AFF2: variants seen among roughly 807,000 people sequenced by gnomAD.
The protein encoded by AFF2 is AF4/FMR2 family member 2.
Under a neutral mutation model 76.9 loss-of-function variants are expected in AFF2, and 14 were observed. That is an observed-to-expected ratio of 0.18 (90% CI 0.12 to 0.28). The LOEUF is 0.28. Among genes scored for constraint, AFF2 ranks in the 10% least tolerant of loss-of-function variants. AFF2 has a pLI of 1.00. For missense variants in AFF2, 868 were observed against 1,001.1 expected, an observed-to-expected ratio of 0.87 and a Z score of 1.79; for synonymous variants, 398 against 366.7, an observed-to-expected ratio of 1.09 and a Z score of -0.98.
chrX:148,914,850 G>A (rs782365392), intron 9 of AFF2, among the ~76,000 whole-genome samples: 6 of 112,572 alleles, frequency 5.3e-5, no homozygotes, highest in African/African-American at 1.3e-4. Flanking sequence ...ATTTCTTTCT[G>A]AATGTATTTT....
chrX:148,650,097 C>A (rs1261731609), intron 1 of AFF2, among the ~76,000 whole-genome samples: 1 of 111,266 alleles, frequency 9.0e-6, no homozygotes, highest in East Asian at 2.8e-4. Context: ...CCCCCACCCC[C>A]ATAACACCCA....
intron 7 of AFF2, among the ~76,000 whole-genome samples, chrX:148,849,525 C>G (rs992668025): frequency 9.1e-6 from 1 of 109,386 alleles, no homozygotes. Context: ...GGCTAAAACA[C>G]TGGTAACTCA....
intron 4 of AFF2, among the ~76,000 whole-genome samples, chrX:148,818,559 A>C (rs2070292864): frequency 2.7e-5 from 3 of 112,146 alleles, no homozygotes; most frequent in Admixed American, 1.9e-4. Flanking sequence ...TTAAAGATTA[A>C]AAACAAAAAC....
intron 1 of AFF2, among the ~76,000 whole-genome samples, chrX:148,589,448 C>T (rs1325193185): frequency 8.9e-6 from 1 of 112,346 alleles, no homozygotes; most frequent in Admixed American, 9.4e-5. Context: ...ACTGCAGTGC[C>T]TGCCTGGAAA....
chrX:148,508,212 A>G (rs782609596), intron 1 of AFF2, among the ~76,000 whole-genome samples: 1 of 112,252 alleles, frequency 8.9e-6, no homozygotes, highest in African/African-American at 3.2e-5. Flanking sequence ...TCCAAATAAT[A>G]GTTCTCTGCA....
chrX:148,581,454 G>A (rs1432765958), intron 1 of AFF2, among the ~76,000 whole-genome samples: 2 of 75,085 alleles, frequency 2.7e-5, no homozygotes, highest in Admixed American at 2.8e-4. Context: ...ATACGTATAC[G>A]TCTACGTGTA....
intron 3 of AFF2, among the ~76,000 whole-genome samples, chrX:148,744,534 C>T (rs915070326): frequency 2.7e-5 from 3 of 111,154 alleles, no homozygotes; most frequent in Non-Finnish European, 5.7e-5. Context: ...CCTTGTTTTC[C>T]TCCTTGTAAT....
chrX:148,525,128 A>T (rs1353686109), intron 1 of AFF2, among the ~76,000 whole-genome samples: 1 of 112,101 alleles, frequency 8.9e-6, no homozygotes. Flanking sequence ...TATAAAAGAA[A>T]GTACATTCAA....
chrX:148,720,375 T>C (rs1017777428), intron 3 of AFF2, among the ~76,000 whole-genome samples: 3 of 109,603 alleles, frequency 2.7e-5, no homozygotes, highest in Admixed American at 9.9e-5. Flanking sequence ...CCTCCCCCTT[T>C]CTTCCTTCCT....
At chrX:148,831,342 A>T (rs2070451797) in intron 4 of AFF2, among the ~76,000 whole-genome samples, 1 of 112,622 alleles carries the variant, frequency 8.9e-6, no homozygotes, top group Non-Finnish European at 1.9e-5. Flanking sequence ...TGGGGAAGTG[A>T]TAAATGTCCA....
At chrX:148,604,496 A>G (rs1164025380) in intron 1 of AFF2, among the ~76,000 whole-genome samples, 5 of 112,498 alleles carry the variant, frequency 4.4e-5, no homozygotes, top group Non-Finnish European at 7.5e-5. Flanking sequence ...GGGCTTCAGC[A>G]GTCCTCCTAC....
chrX:148,970,267 G>A (rs1280580038), intron 15 of AFF2, among the ~76,000 whole-genome samples: 4 of 112,071 alleles, frequency 3.6e-5, no homozygotes, highest in Non-Finnish European at 7.5e-5. Context: ...AAAAGCTGGA[G>A]AACATTTATT....
At chrX:148,953,047 G>A (rs1001533076) in intron 9 of AFF2, among the ~76,000 whole-genome samples, 1 of 111,220 alleles carries the variant, frequency 9.0e-6, no homozygotes, top group African/African-American at 3.3e-5. Context: ...GTGAGGCAGA[G>A]ACCAGCTCCA....
intron 1 of AFF2, among the ~76,000 whole-genome samples, chrX:148,537,731 G>T (rs782449136): frequency 7.2e-5 from 8 of 110,583 alleles, no homozygotes; most frequent in African/African-American, 2.3e-4. Flanking sequence ...TTAGCTCAGG[G>T]CTTCCCATAG....
chrX:148,615,056 C>G (rs1345458923), intron 1 of AFF2, among the ~76,000 whole-genome samples: 8 of 110,375 alleles, frequency 7.2e-5, no homozygotes, highest in Non-Finnish European at 1.3e-4. Context: ...AATTTTTTGC[C>G]TGGCTCCAAA....
At chrX:148,745,584 GA>G (rs2055411333) in intron 3 of AFF2, among the ~76,000 whole-genome samples, 1 of 111,485 alleles carries the variant, frequency 9.0e-6, no homozygotes, top group Non-Finnish European at 1.9e-5. Flanking sequence ...AAAGTATCTT[GA>G]AACTTAACCC....
At chrX:148,806,320 G>C (rs782183941) in intron 3 of AFF2, among the ~76,000 whole-genome samples, 5 of 112,305 alleles carry the variant, frequency 4.5e-5, no homozygotes, top group Admixed American at 1.9e-4. Context: ...AGGGGGCTCA[G>C]TGACTGAAGT....
chrX:148,719,307 A>C, intron 3 of AFF2: 2 of 743,492 alleles, frequency 2.7e-6, no homozygotes, highest in Non-Finnish European at 4.0e-6. Flanking sequence ...CTCTCTTTAC[A>C]AATGAGTCCT....
chrX:148,552,559 A>T (rs1477997026), intron 1 of AFF2, among the ~76,000 whole-genome samples: 1 of 112,233 alleles, frequency 8.9e-6, no homozygotes, highest in Non-Finnish European at 1.9e-5. Context: ...TTCCCTTGCC[A>T]GGCAAGCATA....
Sources: gnomAD v4.1 joint callset for allele counts (sites outside exome capture counted in the v4.1 genomes callset) on GRCh38, gnomAD v4.1.1 for gene constraint, MANE v1.5 for transcripts, NCBI Gene and HGNC (gene_info 2026-07-23, HGNC 2026-07-21) for gene names.